SNX24: variants seen among roughly 807,000 people sequenced by gnomAD.
SNX24 encodes the protein sorting nexin 24.
Under a neutral mutation model 28.7 loss-of-function variants are expected in SNX24, and 22 were observed. The ratio of observed to expected loss-of-function variants is 0.77; its 90% CI spans 0.55 to 1.10. SNX24 has a LOEUF of 1.10. SNX24 is among the 50% of genes least tolerant of loss of function. The probability of loss-of-function intolerance (pLI) is 0.00; values close to 1 mark genes in which losing one functional copy is unlikely to be tolerated. For synonymous variants in SNX24, 69 were observed against 71.5 expected (o/e 0.96, Z 0.18); for missense variants, 221 against 201.1 (o/e 1.10, Z -0.60).
At chr5:122,954,728 TA>T (rs34552631) in intron 3 of SNX24, among the ~76,000 whole-genome samples, 116,682 of 151,652 alleles carry the variant, frequency 0.77, 45,773 homozygotes, top group East Asian at 0.99. Flanking sequence ...TTCTGATTTT[TA>T]AAAAAAAATC....
At chr5:122,912,734 G>GTTT (rs71223068) in intron 1 of SNX24, among the ~76,000 whole-genome samples, 1 of 137,016 alleles carries the variant, frequency 7.3e-6, no homozygotes. Context: ...AATCATGTGG[G>GTTT]TTTTTTTTTT....
At chr5:122,926,596 G>A (rs890877847) in intron 1 of SNX24, among the ~76,000 whole-genome samples, 1 of 152,148 alleles carries the variant, frequency 6.6e-6, no homozygotes, top group Non-Finnish European at 1.5e-5. Flanking sequence ...ATATTTAACA[G>A]GTCATTATAA....
At chr5:123,010,808 CCT>C (rs1249266562), downstream of SNX24, among the ~76,000 whole-genome samples, 3 of 151,584 alleles carry the variant, frequency 2.0e-5, no homozygotes, top group Non-Finnish European at 4.4e-5. Flanking sequence ...TTTAATTTCT[CCT>C]CTTTTACAAA....
At chr5:122,908,451 A>G (rs762957435) in intron 1 of SNX24, among the ~76,000 whole-genome samples, 1 of 152,194 alleles carries the variant, frequency 6.6e-6, no homozygotes, top group Non-Finnish European at 1.5e-5. Flanking sequence ...CCATATAAAC[A>G]CGAAGAAAAA....
At chr5:122,965,540 C>A (rs1197975316) in intron 3 of SNX24, 3 of 432,638 alleles carry the variant, frequency 6.9e-6, no homozygotes, top group Non-Finnish European at 1.4e-5. Flanking sequence ...AAAATGATGC[C>A]TTTTATAAGA....
chr5:122,955,029 A>G (rs1421887486), intron 3 of SNX24, among the ~76,000 whole-genome samples: 1 of 151,618 alleles, frequency 6.6e-6, no homozygotes, highest in Non-Finnish European at 1.5e-5. Flanking sequence ...TTATAGACCC[A>G]CAGGGACCTG....
chr5:122,996,319 A>T (rs986522222), intron 3 of SNX24, among the ~76,000 whole-genome samples: 1 of 152,218 alleles, frequency 6.6e-6, no homozygotes, highest in Non-Finnish European at 1.5e-5. Flanking sequence ...CAGGCCAAAG[A>T]AAAGTGAGCC....
intron 1 of SNX24, among the ~76,000 whole-genome samples, chr5:122,910,152 C>G (rs1757818572): frequency 6.6e-6 from 1 of 152,172 alleles, no homozygotes; most frequent in South Asian, 2.1e-4. Context: ...TGAAAAAAAT[C>G]CAATGGAACA....
intron 3 of SNX24, among the ~76,000 whole-genome samples, chr5:122,976,322 A>G (rs1274614002): frequency 6.7e-6 from 1 of 149,154 alleles, no homozygotes; most frequent in African/African-American, 2.5e-5. Context: ...AGGCAAAAAG[A>G]TCTTATCTTT....
chr5:122,941,068 C>A (rs530938879), intron 2 of SNX24, among the ~76,000 whole-genome samples: 45 of 152,308 alleles, frequency 3.0e-4, no homozygotes, highest in Middle Eastern at 3.4e-3. Flanking sequence ...GTGTAAACAG[C>A]CTTTCTGATT....
intron 2 of SNX24, among the ~76,000 whole-genome samples, chr5:122,945,476 A>G (rs1262072232): frequency 6.6e-6 from 1 of 152,224 alleles, no homozygotes; most frequent in Non-Finnish European, 1.5e-5. Flanking sequence ...CTGCTGTCCC[A>G]AAAGGCTTAG....
intron 1 of SNX24, among the ~76,000 whole-genome samples, chr5:122,889,697 G>T: frequency 7.7e-6 from 1 of 129,664 alleles, no homozygotes; most frequent in African/African-American, 3.1e-5. Flanking sequence ...GTATATGTAT[G>T]TGTATATATA....
At chr5:122,967,438 C>T (rs1016482298) in intron 3 of SNX24, among the ~76,000 whole-genome samples, 1 of 152,166 alleles carries the variant, frequency 6.6e-6, no homozygotes, top group African/African-American at 2.4e-5. Flanking sequence ...TGATGAGCGC[C>T]TGTGGGAAGC....
In SNX24 at chr5:122,911,376, G is replaced by A. The variant is rs539315436; in HGVS notation, c.61-25358G>A. ...TGTAGATTCTGGATATTAGCCCTTC[G>A]TCAGATGAGTAGGTTGTGAAAATTT... On this transcript the variant is annotated intron_variant, in intron 1 of 6. Coordinates refer to ENST00000261369, the MANE Select transcript of SNX24 (RefSeq NM_014035.4). 8.3e-3 allele frequency among the ~76,000 whole-genome samples: 1,264 copies of A among 152,202 alleles called. 17 individuals are homozygous for A. The highest frequency in any genetic ancestry group is 0.029 in the African/African-American group (1,195 of 41,512).
chr5:122,913,052 T>C (rs905524958), intron 1 of SNX24, among the ~76,000 whole-genome samples: 2 of 152,116 alleles, frequency 1.3e-5, no homozygotes, highest in African/African-American at 4.8e-5. Flanking sequence ...ATCAACAGGA[T>C]CCCAAGGCAG....
intron 2 of SNX24, among the ~76,000 whole-genome samples, chr5:122,939,433 T>C (rs1216978173): frequency 6.6e-6 from 1 of 152,244 alleles, no homozygotes; most frequent in African/African-American, 2.4e-5. Context: ...TTGTTTTTGC[T>C]TATTAGTTTG....
chr5:122,850,746 C>G (rs1261502740), intron 1 of SNX24, among the ~76,000 whole-genome samples: 4 of 148,386 alleles, frequency 2.7e-5, no homozygotes, highest in Non-Finnish European at 5.9e-5. Flanking sequence ...GGATTTAAGT[C>G]TGGCTTAGAA....
chr5:122,956,153 A>G (rs1468034277), intron 3 of SNX24, among the ~76,000 whole-genome samples: 1 of 152,080 alleles, frequency 6.6e-6, no homozygotes, highest in Non-Finnish European at 1.5e-5. Flanking sequence ...CAAGAAAGAT[A>G]AAATTCATCA....
At chr5:122,989,095 A>G (rs1377337166) in intron 3 of SNX24, among the ~76,000 whole-genome samples, 7 of 152,044 alleles carry the variant, frequency 4.6e-5, no homozygotes, top group South Asian at 4.2e-4. Flanking sequence ...ATTCTGTTCT[A>G]TGGGCCAAAA....
Sources: gnomAD v4.1 joint callset for allele counts (sites outside exome capture counted in the v4.1 genomes callset) on GRCh38, gnomAD v4.1.1 for gene constraint, MANE v1.5 for transcripts, NCBI Gene and HGNC (gene_info 2026-07-23, HGNC 2026-07-21) for gene names.